Variants in MED13 observed in about 807,000 individuals in gnomAD.
The protein encoded by MED13 is mediator of RNA polymerase II transcription subunit 13.
Under a neutral mutation model 225.2 loss-of-function variants are expected in MED13, and 23 were observed. That is an observed-to-expected ratio of 0.10 (90% CI 0.07 to 0.14). The LOEUF is 0.14. Ranked by LOEUF, MED13 falls within the 10% of genes least tolerant of loss-of-function variation. The probability of loss-of-function intolerance (pLI) is 1.00; values close to 1 mark genes in which losing one functional copy is unlikely to be tolerated. For synonymous variants in MED13, 942 were observed against 889.2 expected (o/e 1.06, Z -1.06); for missense variants, 2,197 against 2,594.5 (o/e 0.85, Z 3.33).
chr17:62,009,521 T>C (rs908868767), intron 9 of MED13, among the ~76,000 whole-genome samples: 1 of 152,164 alleles, frequency 6.6e-6, no homozygotes, highest in Non-Finnish European at 1.5e-5. Flanking sequence ...ATTTAGACAA[T>C]GAGATGACAT....
At chr17:62,060,644 C>CA (rs565314177) in intron 2 of MED13, among the ~76,000 whole-genome samples, 4,240 of 84,458 alleles carry the variant, frequency 0.05, 69 homozygotes, top group Non-Finnish European at 0.068. Flanking sequence ...GACTCCGTCT[C>CA]AAAAAAAAAA....
chr17:62,033,692 C>A, intron 5 of MED13, 95 bp downstream of exon 5: 1 of 1,164,364 alleles, frequency 8.6e-7, no homozygotes, highest in Admixed American at 2.2e-5. Flanking sequence ...TGTTGAAAGC[C>A]ACTGAGTTAT....
intron 8 of MED13, among the ~76,000 whole-genome samples, chr17:62,025,619 G>A (rs2080693658): frequency 2.0e-5 from 3 of 150,720 alleles, no homozygotes; most frequent in Admixed American, 1.3e-4. Context: ...GCAGTGAGCC[G>A]AGATCACACC....
chr17:62,039,169 G>C (rs1008396923), intron 3 of MED13, among the ~76,000 whole-genome samples: 1 of 152,108 alleles, frequency 6.6e-6, no homozygotes, highest in Non-Finnish European at 1.5e-5. Context: ...TATGATCAAA[G>C]AATCACTACC....
chr17:61,944,299 A>G lies in MED13; in HGVS notation c.*2169T>C, dbSNP rs942475489. ...ATAACTTTTATTTTGTAAAGTCACT[A>G]TTAAGTGTATAAAAAGGATACTCTT... On this transcript the variant is annotated 3_prime_UTR_variant, in exon 30 of 30. Coordinates refer to ENST00000397786, the MANE Select transcript of MED13 (RefSeq NM_005121.3). 6.6e-6 allele frequency: 1 copy of G among 152,476 alleles called. No homozygotes were observed. The allele number at this position is 152,476 out of a possible 1,614,324, so 9.4% of individuals were successfully genotyped here.
At chr17:62,035,656 A>C in intron 3 of MED13, 48 bp from the exon 4 acceptor site, 1 of 1,543,148 alleles carries the variant, frequency 6.5e-7, no homozygotes, top group Non-Finnish European at 8.7e-7. Context: ...AGTGGCCAAA[A>C]ATGTTAACTT....
intron 10 of MED13, among the ~76,000 whole-genome samples, chr17:61,993,708 T>C (rs1205512363): frequency 6.6e-6 from 1 of 151,708 alleles, no homozygotes; most frequent in African/African-American, 2.4e-5. Flanking sequence ...GGCGGGCGGA[T>C]CACTTGAGGT....
chr17:61,957,105 G>A (rs1432229317), intron 23 of MED13, among the ~76,000 whole-genome samples: 1 of 152,042 alleles, frequency 6.6e-6, no homozygotes, highest in African/African-American at 2.4e-5. Context: ...GGAGTGCAGT[G>A]GCACAATCTC....
rs2079842587 is a variant in MED13 at position 61,945,110 on chromosome 17, T to A, written c.*1358A>T. The A allele has an allele frequency of 6.6e-6, 1 of 152,254 alleles. No homozygotes were observed. Among genetic ancestry groups the A allele is most frequent in the South Asian group, 2.1e-4 (1 of 4,824 alleles). The allele number at this position is 152,254 out of a possible 1,614,324, so 9.4% of individuals were successfully genotyped here. A position where few individuals can be genotyped will look rare whatever the true frequency, so the allele number is the denominator to read the frequency against. On this transcript the variant is annotated 3_prime_UTR_variant, in exon 30 of 30. Coordinates refer to ENST00000397786, the MANE Select transcript of MED13 (RefSeq NM_005121.3). ...GACTGACATCTCCAAACCAAGAAAA[T>A]TAAATAAATAAAAAAGGCAAGGGAA...
intron 8 of MED13, among the ~76,000 whole-genome samples, chr17:62,016,316 G>T (rs1193193290): frequency 2.0e-5 from 3 of 152,058 alleles, no homozygotes; most frequent in Non-Finnish European, 2.9e-5. Context: ...GGGATTACAG[G>T]CAAGAGCCAC....
intron 2 of MED13, among the ~76,000 whole-genome samples, chr17:62,060,999 A>G (rs953503076): frequency 2.6e-5 from 4 of 152,108 alleles, no homozygotes; most frequent in Non-Finnish European, 5.9e-5. Flanking sequence ...CATGGCACCC[A>G]GCTGATCACT....
intron 3 of MED13, among the ~76,000 whole-genome samples, chr17:62,041,373 GAAGAA>G (rs905005594): frequency 2.0e-5 from 3 of 146,856 alleles, no homozygotes; most frequent in African/African-American, 5.1e-5. Flanking sequence ...ATCTGAAGCA[GAAGAA>G]AAGAAAAGAA....
chr17:61,991,947 C>T (rs1231686685), intron 11 of MED13, among the ~76,000 whole-genome samples: 1 of 152,138 alleles, frequency 6.6e-6, no homozygotes, highest in Non-Finnish European at 1.5e-5. Context: ...TGCCCAGATC[C>T]ATTTTTCAAT....
chr17:61,972,057 G>A (rs920235623), intron 17 of MED13, among the ~76,000 whole-genome samples: 2 of 152,136 alleles, frequency 1.3e-5, no homozygotes, highest in Non-Finnish European at 2.9e-5. Flanking sequence ...AGGGAGAAAA[G>A]GAAAATATAG....
At chr17:61,957,627 C>T (rs1178520707) in intron 23 of MED13, among the ~76,000 whole-genome samples, 3 of 151,992 alleles carry the variant, frequency 2.0e-5, no homozygotes, top group Non-Finnish European at 4.4e-5. Flanking sequence ...GGATTACAGG[C>T]GTGAGCCACC....
At chr17:62,007,705 G>A (rs909475409) in intron 9 of MED13, among the ~76,000 whole-genome samples, 3 of 151,608 alleles carry the variant, frequency 2.0e-5, no homozygotes, top group Non-Finnish European at 4.4e-5. Context: ...AAAATTAGCC[G>A]GGCATGGTGG....
chr17:61,987,205 G>A lies in MED13; in HGVS notation c.2264-77C>T. 7.1e-6 allele frequency: 7 copies of A among 991,424 alleles called. No individual in the cohort carries two copies. In the Middle Eastern group the frequency reaches 9.1e-4, roughly 129 times the overall value. The allele number at this position is 991,424 out of a possible 1,614,324, so 61.4% of individuals were successfully genotyped here. ...TAATCCCAGCACTTTGGGAGGCCGA[G>A]GAGGGTGGATCACGAGGTCAGGAGT... On this transcript the variant is annotated intron_variant, in intron 11 of 29. Transcript: ENST00000397786.
intron 11 of MED13, among the ~76,000 whole-genome samples, chr17:61,988,134 G>A (rs2080264299): frequency 6.6e-6 from 1 of 152,074 alleles, no homozygotes; most frequent in African/African-American, 2.4e-5. Flanking sequence ...CTGAATCCCA[G>A]CTCCACCACT....
At chr17:62,058,520 CAAA>C (rs751957495) in intron 2 of MED13, among the ~76,000 whole-genome samples, 72 of 53,462 alleles carry the variant, frequency 1.3e-3, no homozygotes, top group African/African-American at 4.7e-3. Flanking sequence ...GACTTCATCT[CAAA>C]AAAAAAAAAA....
Sources: gnomAD v4.1 joint callset for allele counts (sites outside exome capture counted in the v4.1 genomes callset) on GRCh38, gnomAD v4.1.1 for gene constraint, MANE v1.5 for transcripts, NCBI Gene and HGNC (gene_info 2026-07-23, HGNC 2026-07-21) for gene names.